The following SPIDR variants were observed in gnomAD, a reference collection of about 807,000 sequenced individuals.
The protein encoded by SPIDR is DNA repair-scaffolding protein.
Under a neutral mutation model 104.6 loss-of-function variants are expected in SPIDR, and 93 were observed. The ratio of observed to expected loss-of-function variants is 0.89; its 90% CI spans 0.75 to 1.06. The LOEUF is 1.06. SPIDR is among the 50% of genes least tolerant of loss of function. The pLI is 0.00. For missense variants in SPIDR, 1,154 were observed against 1,111.2 expected (o/e 1.04, Z -0.55); for synonymous variants, 431 against 416.9 (o/e 1.03, Z -0.41).
chr8:47,718,596 A>G lies in SPIDR; in HGVS notation c.2341+4955A>G, dbSNP rs182579570. 4.6e-4 allele frequency among the ~76,000 whole-genome samples: 69 copies of G among 151,626 alleles called. No individual in the cohort carries two copies. In the East Asian group the frequency reaches 0.012, roughly 26 times the overall value. On this transcript the variant is annotated intron_variant, in intron 16 of 19. Transcript: ENST00000297423. ...GCACTAGTCAGGAAGATGAATTACT[A>G]TCCTCATGGTTTAAGTCACCTTTCA...
At chr8:47,571,543 G>A (rs1053346534) in intron 8 of SPIDR, among the ~76,000 whole-genome samples, 19 of 152,140 alleles carry the variant, frequency 1.2e-4, no homozygotes, top group African/African-American at 4.3e-4. Flanking sequence ...GGTAACTTAA[G>A]GAAAGTAATT....
At position 47,728,732 on chromosome 8, in the gene SPIDR, C is replaced by G. The variant is rs1448360852; in HGVS notation, c.2436-201C>G. 23 of 528,278 alleles carry G rather than the reference C, an allele frequency of 4.4e-5. No individual in the cohort carries two copies. In the South Asian group the frequency reaches 5.8e-4, roughly 13 times the overall value. The allele number at this position is 528,278 out of a possible 1,614,324, so 32.7% of individuals were successfully genotyped here. On this transcript the variant is annotated intron_variant, in intron 17 of 19. Coordinates refer to ENST00000297423, the MANE Select transcript of SPIDR (RefSeq NM_001080394.4). Reference sequence around the variant, plus strand: ...TCTTCGGCCTCCAGCCAGTGCTACTCGTGCTACTCGAAGCTAATGTTCATC... The same window carrying G: ...TCTTCGGCCTCCAGCCAGTGCTACTGGTGCTACTCGAAGCTAATGTTCATC...
At chr8:47,630,179 A>C (rs1563365424) in intron 10 of SPIDR, among the ~76,000 whole-genome samples, 1 of 152,266 alleles carries the variant, frequency 6.6e-6, no homozygotes, top group Non-Finnish European at 1.5e-5. Context: ...TTTTTGAACC[A>C]AGATAAAGTA....
In SPIDR at chr8:47,292,246, G is replaced by C. The variant is rs1373652816; in HGVS notation, c.361+1109G>C. On this transcript the variant is annotated intron_variant, in intron 4 of 19. Transcript: ENST00000297423. ...CTTGACGGTTCATGTTAGTTACCTA[G>C]GGTTCAGTTTGTACAGACAGCTTCT... 2.2e-4 allele frequency among the ~76,000 whole-genome samples: 34 copies of C among 151,998 alleles called. 1 individual carries two copies. The highest frequency in any genetic ancestry group is 2.2e-3 in the Admixed American group (34 of 15,258).
At position 47,558,726 on chromosome 8, in the gene SPIDR, G is replaced by A. The variant is rs183571189; in HGVS notation, c.1098-37085G>A. Among the ~76,000 whole-genome samples, 202 of 151,996 alleles carry A rather than the reference G, an allele frequency of 1.3e-3. 2 individuals are homozygous for A. The highest frequency in any genetic ancestry group is 0.01 in the Middle Eastern group (3 of 294). The stretch of plus-strand genomic sequence containing the variant: ...ACGATCTCAGCTCAGTGCAAGCTCC[G>A]CCTCCTGGGTTCACACCATTCTCCT... On this transcript the variant is annotated intron_variant, in intron 8 of 19. Coordinates refer to ENST00000297423, the MANE Select transcript of SPIDR (RefSeq NM_001080394.4).
chr8:47,671,733 C>G (rs1422199814), intron 10 of SPIDR, among the ~76,000 whole-genome samples: 1 of 152,072 alleles, frequency 6.6e-6, no homozygotes, highest in African/African-American at 2.4e-5. Context: ...TGTCTTCTGG[C>G]GTCATTCATT....
chr8:47,404,630 G>A (rs1554666119), intron 6 of SPIDR, among the ~76,000 whole-genome samples: 5 of 152,164 alleles, frequency 3.3e-5, no homozygotes, highest in Non-Finnish European at 7.3e-5. Flanking sequence ...TCAGAGAAAT[G>A]CAAATCAAAA....
At chr8:47,407,606 T>A (rs2062937500) in intron 6 of SPIDR, among the ~76,000 whole-genome samples, 2 of 152,222 alleles carry the variant, frequency 1.3e-5, no homozygotes, top group South Asian at 4.1e-4. Flanking sequence ...AGCTGTCATA[T>A]TTCCAAGAAT....
chr8:47,391,790 A>G (rs2060607651), intron 5 of SPIDR, among the ~76,000 whole-genome samples: 2 of 151,924 alleles, frequency 1.3e-5, no homozygotes, highest in Admixed American at 1.3e-4. Context: ...AGGTCAGGAG[A>G]TCGAGACCAT....
intron 1 of SPIDR, among the ~76,000 whole-genome samples, chr8:47,261,526 T>A (rs920152067): frequency 6.6e-6 from 1 of 152,234 alleles, no homozygotes; most frequent in Non-Finnish European, 1.5e-5. Context: ...TGATTGCACC[T>A]GTATCCGCGA....
At chr8:47,692,607 C>G (rs1427474872) in intron 11 of SPIDR, among the ~76,000 whole-genome samples, 5 of 150,150 alleles carry the variant, frequency 3.3e-5, no homozygotes, top group African/African-American at 4.9e-5. Flanking sequence ...AAGCGATTCT[C>G]CTGCCTCAGC....
intron 1 of SPIDR, among the ~76,000 whole-genome samples, chr8:47,266,941 G>T (rs2034205873): frequency 6.6e-6 from 1 of 152,138 alleles, no homozygotes; most frequent in African/African-American, 2.4e-5. Context: ...GCTACTTTCG[G>T]TGTGTATGGA....
chr8:47,416,828 A>G (rs2064391291), intron 7 of SPIDR, among the ~76,000 whole-genome samples: 1 of 149,722 alleles, frequency 6.7e-6, no homozygotes. Flanking sequence ...TCCTGTGTCC[A>G]TGTGTTCTCA....
In SPIDR at chr8:47,275,242, G is replaced by A. The variant is rs774614957; in HGVS notation, c.34-4620G>A. On this transcript the variant is annotated intron_variant, in intron 1 of 19. Coordinates refer to ENST00000297423, the MANE Select transcript of SPIDR (RefSeq NM_001080394.4). ...CCACTGCACTCCAGCCTGGGGGAGA[G>A]AGCGAGACTCAGTCTCAAAAAAAAA... is the stretch of plus-strand genomic sequence containing the variant. Among the ~76,000 whole-genome samples the A allele has an allele frequency of 3.6e-3, 543 of 151,502 alleles. 5 individuals are homozygous for A. Among genetic ancestry groups the A allele is most frequent in the Admixed American group, 9.3e-3 (142 of 15,216 alleles).
At chr8:47,408,513 T>C (rs1333926979) in intron 7 of SPIDR, among the ~76,000 whole-genome samples, 1 of 152,220 alleles carries the variant, frequency 6.6e-6, no homozygotes, top group Non-Finnish European at 1.5e-5. Context: ...GTTTAGCTTA[T>C]ATAATCAAAA....
chr8:47,589,606 T>A (rs2060748214), intron 8 of SPIDR, among the ~76,000 whole-genome samples: 1 of 152,124 alleles, frequency 6.6e-6, no homozygotes, highest in Non-Finnish European at 1.5e-5. Flanking sequence ...TAGCATGAGT[T>A]GTGGTAGTTA....
intron 8 of SPIDR, among the ~76,000 whole-genome samples, chr8:47,470,397 T>C (rs2075524814): frequency 6.6e-6 from 1 of 152,110 alleles, no homozygotes; most frequent in African/African-American, 2.4e-5. Flanking sequence ...TAAGCAATTC[T>C]CCTACCTCAG....
intron 10 of SPIDR, among the ~76,000 whole-genome samples, chr8:47,624,350 T>C (rs1299522536): frequency 6.6e-6 from 1 of 152,152 alleles, no homozygotes; most frequent in East Asian, 1.9e-4. Context: ...AGCAAACACA[T>C]TCAAAAGCTA....
Position 47,458,832 on chromosome 8 carries a change from G to A in SPIDR, c.1097+18290G>A, listed in dbSNP as rs797038369. Among the ~76,000 whole-genome samples, 70 of 152,150 alleles carry A rather than the reference G, an allele frequency of 4.6e-4. 1 individual carries two copies. Among genetic ancestry groups the A allele is most frequent in the African/African-American group, 1.5e-3 (64 of 41,532 alleles). On this transcript the variant is annotated intron_variant, in intron 8 of 19. Coordinates refer to ENST00000297423, the MANE Select transcript of SPIDR (RefSeq NM_001080394.4). ...TTTGCTGAGGATTTTAATCAAAAAG[G>A]GATGCCAGATTTTGAGGGATGCCAG...
Sources: gnomAD v4.1 joint callset for allele counts (sites outside exome capture counted in the v4.1 genomes callset) on GRCh38, gnomAD v4.1.1 for gene constraint, MANE v1.5 for transcripts, NCBI Gene and HGNC (gene_info 2026-07-23, HGNC 2026-07-21) for gene names.